Variants in PDSS1 observed in about 807,000 individuals in gnomAD.
PDSS1 encodes all trans-polyprenyl-diphosphate synthase PDSS1.
In PDSS1, 43 loss-of-function variants were observed where a neutral mutation model predicts 57.5. The ratio of observed to expected loss-of-function variants is 0.75; its 90% CI spans 0.59 to 0.96. The LOEUF is 0.96. Ranked by LOEUF, PDSS1 falls within the 50% of genes least tolerant of loss-of-function variation. PDSS1 has a pLI of 0.00. For missense variants in PDSS1, 438 were observed against 527.8 expected, an observed-to-expected ratio of 0.83 and a Z score of 1.67; for synonymous variants, 175 against 191.3, an observed-to-expected ratio of 0.91 and a Z score of 0.70.
At chr10:26,716,310 AAACCACATGTAAACCTCGTAAAG>A in intron 5 of PDSS1, among the ~76,000 whole-genome samples, 1 of 152,218 alleles carries the variant, frequency 6.6e-6, no homozygotes, top group Non-Finnish European at 1.5e-5. Flanking sequence ...ATATTTTGTA[AAACCACATGTAAACCTCGTAAAG>A]GATTCACTGG....
At chr10:26,731,315 T>A (rs1486412462) in intron 8 of PDSS1, among the ~76,000 whole-genome samples, 4 of 152,198 alleles carry the variant, frequency 2.6e-5, no homozygotes, top group Admixed American at 2.6e-4. Context: ...CACTCCAGCA[T>A]GGGCGACAAA....
intron 8 of PDSS1, among the ~76,000 whole-genome samples, chr10:26,729,928 T>G (rs915741750): frequency 6.7e-4 from 78 of 115,670 alleles, no homozygotes; most frequent in Middle Eastern, 4.5e-3. Context: ...TTTTTTTTTT[T>G]TTGAGACGGA....
intron 3 of PDSS1, 96 bp downstream of exon 3, chr10:26,704,837 G>C (rs1264779074): frequency 2.8e-6 from 2 of 722,494 alleles, no homozygotes; most frequent in African/African-American, 3.5e-5. Context: ...GGAGCTCACT[G>C]TGTTGCCCAG....
Position 26,745,142 on chromosome 10 carries a change from C to T in PDSS1, c.1108-1191C>T, listed in dbSNP as rs574274483. Among the ~76,000 whole-genome samples the T allele has an allele frequency of 6.6e-5, 10 of 151,154 alleles. No individual in the cohort carries two copies. In the East Asian group the frequency reaches 1.4e-3, roughly 21 times the overall value. ...TCACGCCACTGCATTCCAGCCTGGG[C>T]GACAGAGCAAGATTCCATCTCAAAA... On this transcript the variant is annotated intron_variant, in intron 11 of 11. Coordinates refer to ENST00000376215, the MANE Select transcript of PDSS1 (RefSeq NM_014317.5).
intron 8 of PDSS1, among the ~76,000 whole-genome samples, chr10:26,730,862 CTTCAG>C (rs1395754009): frequency 1.3e-5 from 2 of 152,082 alleles, no homozygotes; most frequent in African/African-American, 4.8e-5. Context: ...TTTTGCATTT[CTTCAG>C]TTAACAATTT....
At chr10:26,715,990 T>A (rs1835560996) in intron 5 of PDSS1, among the ~76,000 whole-genome samples, 1 of 152,240 alleles carries the variant, frequency 6.6e-6, no homozygotes, top group African/African-American at 2.4e-5. Context: ...GGGTTGCTGC[T>A]TTTAGATACC....
intron 10 of PDSS1, among the ~76,000 whole-genome samples, chr10:26,738,462 A>G (rs1266214109): frequency 6.6e-6 from 1 of 152,224 alleles, no homozygotes; most frequent in Non-Finnish European, 1.5e-5. Context: ...TAGCTATGAT[A>G]CCACACAGGC....
At chr10:26,722,249 C>A (rs1275363969) in intron 6 of PDSS1, among the ~76,000 whole-genome samples, 3 of 152,122 alleles carry the variant, frequency 2.0e-5, no homozygotes, top group Non-Finnish European at 4.4e-5. Flanking sequence ...ATACTTACAT[C>A]AGGATGTCTT....
At chr10:26,740,541 T>C in intron 10 of PDSS1, 1 of 436,294 alleles carries the variant, frequency 2.3e-6, no homozygotes, top group Admixed American at 2.5e-5. Flanking sequence ...TATTTCTTTG[T>C]CTGTGATCAC....
intron 4 of PDSS1, among the ~76,000 whole-genome samples, chr10:26,709,141 C>G (rs900757747): frequency 6.6e-6 from 1 of 152,184 alleles, no homozygotes; most frequent in African/African-American, 2.4e-5. Context: ...GGCTGATCCA[C>G]GCATTGTTTA....
intron 6 of PDSS1, among the ~76,000 whole-genome samples, chr10:26,722,330 A>C (rs1835815436): frequency 1.3e-5 from 2 of 152,248 alleles, no homozygotes; most frequent in Admixed American, 1.3e-4. Context: ...TTAGATACTG[A>C]AGAACCTAAG....
In PDSS1 at chr10:26,709,609, CATTGTGACACAGAG is replaced by C. The variant is rs1313629789; in HGVS notation, c.337-27_337-14del. 1 of 1,611,496 alleles carries C rather than the reference CATTGTGACACAGAG, an allele frequency of 6.2e-7. No individual in the cohort carries two copies. Among genetic ancestry groups the C allele is most frequent in the Admixed American group, 1.7e-5 (1 of 59,958 alleles). On this transcript the variant is annotated splice_polypyrimidine_tract_variant and intron_variant, in intron 4 of 11. Transcript: ENST00000376215. ...GGCTTTCTGTGCAGTTTTTTGATGC[CATTGTGACACAGAG>C]AAACTTTATTTCAGGAACTGCTTAT...
intron 5 of PDSS1, among the ~76,000 whole-genome samples, chr10:26,713,911 C>T (rs985708306): frequency 2.0e-5 from 3 of 152,004 alleles, no homozygotes; most frequent in African/African-American, 7.2e-5. Flanking sequence ...CTTCGGGAGG[C>T]AGCCCACATC....
intron 8 of PDSS1, among the ~76,000 whole-genome samples, chr10:26,731,754 C>G (rs1836208213): frequency 6.6e-6 from 1 of 152,218 alleles, no homozygotes; most frequent in African/African-American, 2.4e-5. Flanking sequence ...TCTCTCCTTT[C>G]TGAGTGAGGT....
intron 10 of PDSS1, among the ~76,000 whole-genome samples, chr10:26,742,276 TCTC>T (rs1836646170): frequency 6.6e-6 from 1 of 152,262 alleles, no homozygotes; most frequent in Non-Finnish European, 1.5e-5. Context: ...ACTAATGTCT[TCTC>T]CTCCCATACA....
intron 4 of PDSS1, among the ~76,000 whole-genome samples, chr10:26,706,796 A>G (rs1835235747): frequency 6.6e-6 from 1 of 152,078 alleles, no homozygotes; most frequent in Non-Finnish European, 1.5e-5. Context: ...GCTAAATCCA[A>G]TGGATGTGTT....
At chr10:26,720,654 T>G (rs1198854315) in intron 6 of PDSS1, among the ~76,000 whole-genome samples, 2 of 152,332 alleles carry the variant, frequency 1.3e-5, no homozygotes, top group Middle Eastern at 3.4e-3. Flanking sequence ...ACGTTTTACT[T>G]TTGGGCTTAG....
At chr10:26,735,399 T>C (rs1425591387) in intron 9 of PDSS1, 67 bp from the exon 10 acceptor site, 12 of 1,388,620 alleles carry the variant, frequency 8.6e-6, no homozygotes, top group East Asian at 2.3e-5. Context: ...ATCGTCAAAA[T>C]AGTAAGAACG....
intron 8 of PDSS1, among the ~76,000 whole-genome samples, chr10:26,729,826 C>T (rs1409598034): frequency 6.6e-6 from 1 of 151,668 alleles, no homozygotes; most frequent in Non-Finnish European, 1.5e-5. Context: ...TATCCTACTG[C>T]TCAAGGTCAT....
Sources: gnomAD v4.1 joint callset for allele counts (sites outside exome capture counted in the v4.1 genomes callset) on GRCh38, gnomAD v4.1.1 for gene constraint, MANE v1.5 for transcripts, NCBI Gene and HGNC (gene_info 2026-07-23, HGNC 2026-07-21) for gene names.